The following SLC39A9 variants were observed in gnomAD, a reference collection of about 807,000 sequenced individuals.
SLC39A9 encodes solute carrier family 39 member 9.
A neutral mutation model predicts 28.4 loss-of-function variants in SLC39A9; 14 were observed. That is an observed-to-expected ratio of 0.49 (90% CI 0.33 to 0.77). The LOEUF is 0.77. Among genes scored for constraint, SLC39A9 ranks in the 30% least tolerant of loss-of-function variants. The probability of loss-of-function intolerance (pLI) is 0.02; values close to 1 mark genes in which losing one functional copy is unlikely to be tolerated. For synonymous variants in SLC39A9, 119 were observed against 149.6 expected (o/e 0.80, Z 1.49); for missense variants, 283 against 381.1 (o/e 0.74, Z 2.14).
intron 1 of SLC39A9, among the ~76,000 whole-genome samples, chr14:69,410,145 CA>C (rs780758729): frequency 3.6e-4 from 54 of 152,042 alleles, no homozygotes; most frequent in Admixed American, 2.6e-4. Context: ...GAATTTTATG[CA>C]AAAAGAAAAA....
chr14:69,410,940 G>A lies in SLC39A9; in HGVS notation c.96+11475G>A, dbSNP rs116618883. ...TCAAAAGCTTTTAAAGACTGGATGCGGTGGCTCATGCCTGTAATCCCAGTA... is the reference window on the plus strand; with the variant it reads ...TCAAAAGCTTTTAAAGACTGGATGCAGTGGCTCATGCCTGTAATCCCAGTA... On this transcript the variant is annotated intron_variant, in intron 1 of 6. Coordinates refer to ENST00000336643, the MANE Select transcript of SLC39A9 (RefSeq NM_018375.5). Among the ~76,000 whole-genome samples, 355 of 152,112 alleles carry A rather than the reference G, an allele frequency of 2.3e-3. 2 individuals carry two copies. The highest frequency in any genetic ancestry group is 8.0e-3 in the African/African-American group (333 of 41,514).
intron 2 of SLC39A9, among the ~76,000 whole-genome samples, chr14:69,441,646 C>G (rs1885053861): frequency 6.6e-6 from 1 of 152,176 alleles, no homozygotes; most frequent in Non-Finnish European, 1.5e-5. Flanking sequence ...TAGGTATAAA[C>G]TAGATGAATT....
At chr14:69,425,116 A>T (rs373285045) in intron 2 of SLC39A9, among the ~76,000 whole-genome samples, 10 of 152,164 alleles carry the variant, frequency 6.6e-5, no homozygotes, top group Non-Finnish European at 1.3e-4. Flanking sequence ...GGTCAGCTGC[A>T]TTGGGGAACA....
At position 69,422,328 on chromosome 14, in the gene SLC39A9, C is replaced by T. The variant is rs561269216; in HGVS notation, c.97-1766C>T. Among the ~76,000 whole-genome samples, 12 of 152,272 alleles carry T rather than the reference C, an allele frequency of 7.9e-5. No individual in the cohort carries two copies. The South Asian group carries it at 1.0e-3, about 13-fold the overall frequency. The stretch of plus-strand genomic sequence containing the variant: ...AGTATAATTCAGTGAGATCATAGCT[C>T]ACTATAGCCTCACCCTCCCCATATC... On this transcript the variant is annotated intron_variant, in intron 1 of 6. Transcript: ENST00000336643.
intron 1 of SLC39A9, among the ~76,000 whole-genome samples, chr14:69,406,097 G>A (rs989401802): frequency 2.0e-5 from 3 of 152,146 alleles, no homozygotes; most frequent in Admixed American, 1.3e-4. Flanking sequence ...AATGAAAATA[G>A]GATCTACCTA....
chr14:69,400,455 A>G (rs1882570991), intron 1 of SLC39A9, among the ~76,000 whole-genome samples: 1 of 152,218 alleles, frequency 6.6e-6, no homozygotes, highest in Non-Finnish European at 1.5e-5. Context: ...GGAATTCACG[A>G]AGTGCACAGC....
chr14:69,412,025 C>T (rs1320675690), intron 1 of SLC39A9, among the ~76,000 whole-genome samples: 4 of 151,882 alleles, frequency 2.6e-5, no homozygotes, highest in Non-Finnish European at 5.9e-5. Flanking sequence ...TCGTGATCCG[C>T]CTGCCTCAAC....
At chr14:69,402,088 G>C (rs1206989487) in intron 1 of SLC39A9, among the ~76,000 whole-genome samples, 1 of 152,142 alleles carries the variant, frequency 6.6e-6, no homozygotes, top group Non-Finnish European at 1.5e-5. Flanking sequence ...CTTTCTTAGA[G>C]GCTAGTGTTA....
At chr14:69,433,743 G>GTTTCT (rs1429881890) in intron 2 of SLC39A9, among the ~76,000 whole-genome samples, 5 of 151,552 alleles carry the variant, frequency 3.3e-5, no homozygotes, top group Non-Finnish European at 7.4e-5. Context: ...TTGATTTGAG[G>GTTTCT]TTTCTCTTCT....
intron 1 of SLC39A9, 88 bp downstream of exon 1, chr14:69,399,553 A>G: frequency 2.0e-6 from 2 of 979,366 alleles, no homozygotes; most frequent in Non-Finnish European, 3.2e-6. Flanking sequence ...CCCTAGTTAA[A>G]TCTCAAAGCT....
At chr14:69,446,945 TATAGAGAGAGAGAGAGAGAGAGCG>T (rs1399318946) in intron 3 of SLC39A9, among the ~76,000 whole-genome samples, 2 of 131,782 alleles carry the variant, frequency 1.5e-5, no homozygotes, top group African/African-American at 5.8e-5. Context: ...TATATATATA[TATAGAGAGAGAGAGAGAGAGAGCG>T]AGAGAGAGAG....
At chr14:69,441,145 G>A (rs1355881064) in intron 2 of SLC39A9, among the ~76,000 whole-genome samples, 1 of 152,108 alleles carries the variant, frequency 6.6e-6, no homozygotes, top group African/African-American at 2.4e-5. Context: ...TGGTTATGGT[G>A]GTACTTGCCT....
At chr14:69,416,859 A>T (rs1242073909) in intron 1 of SLC39A9, among the ~76,000 whole-genome samples, 1 of 152,100 alleles carries the variant, frequency 6.6e-6, no homozygotes, top group African/African-American at 2.4e-5. Context: ...TTCTTTGTAG[A>T]TTCTGGATAT....
chr14:69,399,863 T>C (rs918576094), intron 1 of SLC39A9, among the ~76,000 whole-genome samples: 4 of 152,048 alleles, frequency 2.6e-5, no homozygotes, highest in Admixed American at 2.6e-4. Flanking sequence ...GCCTGTAATC[T>C]CAGCACTTTG....
At chr14:69,424,009 TCA>T in intron 1 of SLC39A9, 83 bp from the exon 2 acceptor site, 1 of 905,486 alleles carries the variant, frequency 1.1e-6, no homozygotes, top group Middle Eastern at 2.2e-4. Context: ...AATGAGCAGC[TCA>T]CAGTCTTGAT....
intron 2 of SLC39A9, among the ~76,000 whole-genome samples, chr14:69,424,803 C>T (rs1566913882): frequency 6.6e-6 from 1 of 152,096 alleles, no homozygotes; most frequent in Non-Finnish European, 1.5e-5. Flanking sequence ...CCGATTACTA[C>T]ATGTCATGAA....
At position 69,459,957 on chromosome 14, in the gene SLC39A9, C is replaced by G. The variant is rs1886044862; in HGVS notation, c.*1364C>G. ...CTTTGTTGAGCCCTTAAAATACCAC[C>G]TCCTCATGTGTAAATTGACACAATC... On this transcript the variant is annotated 3_prime_UTR_variant, in exon 7 of 7. Coordinates refer to ENST00000336643, the MANE Select transcript of SLC39A9 (RefSeq NM_018375.5). 1.0e-6 allele frequency: 1 copy of G among 985,290 alleles called. No individual in the cohort carries two copies. Among genetic ancestry groups the G allele is most frequent in the Non-Finnish European group, 1.2e-6 (1 of 829,640 alleles). 61.0% of individuals were successfully genotyped at this position (985,290 alleles called of 1,614,324 possible).
intron 1 of SLC39A9, among the ~76,000 whole-genome samples, chr14:69,421,716 G>A (rs117381621): frequency 0.026 from 3,995 of 152,262 alleles, 59 homozygotes; most frequent in Middle Eastern, 0.058. Context: ...AATGGCAGAC[G>A]CCCCTCCCCC....
chr14:69,452,262 T>G (rs544510638), intron 3 of SLC39A9, among the ~76,000 whole-genome samples: 1 of 152,288 alleles, frequency 6.6e-6, no homozygotes, highest in East Asian at 1.9e-4. Context: ...AATATAGCAG[T>G]TTGCCCTGAA....
Sources: gnomAD v4.1 joint callset for allele counts (sites outside exome capture counted in the v4.1 genomes callset) on GRCh38, gnomAD v4.1.1 for gene constraint, MANE v1.5 for transcripts, NCBI Gene and HGNC (gene_info 2026-07-23, HGNC 2026-07-21) for gene names.